The following CIZ1 variants were observed in gnomAD, a reference collection of about 807,000 sequenced individuals.
The protein encoded by CIZ1 is cip1-interacting zinc finger protein.
Under a neutral mutation model 118.6 loss-of-function variants are expected in CIZ1, and 58 were observed. The ratio of observed to expected loss-of-function variants is 0.49; its 90% CI spans 0.40 to 0.61. The LOEUF is 0.61. CIZ1 is among the 20% of genes least tolerant of loss of function. CIZ1 has a pLI of 0.00. For missense variants in CIZ1, 921 were observed against 1,115.9 expected, an observed-to-expected ratio of 0.83 and a Z score of 2.49; for synonymous variants, 448 against 443.4, an observed-to-expected ratio of 1.01 and a Z score of -0.13.
chr9:128,200,402 A>T (rs1386932448), intron 1 of CIZ1, among the ~76,000 whole-genome samples: 1 of 151,958 alleles, frequency 6.6e-6, no homozygotes, highest in Admixed American at 6.6e-5. Context: ...GCTCACAGCT[A>T]TAATCCCAGC....
intron 3 of CIZ1, among the ~76,000 whole-genome samples, 166 bp from the exon 4 acceptor site, chr9:128,188,100 C>CAAAAAAAAAA (rs1832660669): frequency 3.7e-5 from 1 of 26,846 alleles, no homozygotes; most frequent in Non-Finnish European, 9.4e-5. Context: ...TTAAAAAAAG[C>CAAAAAAAAAA]AAAAGAAAGA....
At chr9:128,186,230 C>G (rs1442314725) in intron 4 of CIZ1, among the ~76,000 whole-genome samples, 4 of 152,068 alleles carry the variant, frequency 2.6e-5, no homozygotes, top group Admixed American at 1.3e-4. Flanking sequence ...TGCCTCAGTC[C>G]CTCGGCCCAG....
At chr9:128,200,341 T>A (rs1312374638) in intron 1 of CIZ1, among the ~76,000 whole-genome samples, 4 of 151,874 alleles carry the variant, frequency 2.6e-5, no homozygotes, top group Non-Finnish European at 4.4e-5. Context: ...GTTTCAATAT[T>A]GTAATTAGGG....
chr9:128,187,769 A>C (rs1358532576), intron 4 of CIZ1, 94 bp downstream of exon 4: 2 of 376,800 alleles, frequency 5.3e-6, no homozygotes, highest in Admixed American at 4.4e-5. Context: ...CACTCTAAGA[A>C]ATGTAAAACA....
At chr9:128,192,913 G>T (rs1833256897), upstream of CIZ1, among the ~76,000 whole-genome samples, 1 of 152,218 alleles carries the variant, frequency 6.6e-6, no homozygotes, top group East Asian at 1.9e-4. Flanking sequence ...GCGACTCCTC[G>T]CCCTGCCTTC....
chr9:128,183,307 G>C lies in CIZ1; in HGVS notation c.588+2240C>G, dbSNP rs535731104. On this transcript the variant is annotated intron_variant, in intron 5 of 16. Transcript: ENST00000372938. ...GCTCTGGGTCCACCTAGACAGCTGT[G>C]GGGCGCAGGACCAACCGCACCCCAA... Among the ~76,000 whole-genome samples the C allele has an allele frequency of 4.6e-5, 7 of 152,314 alleles. No homozygotes were observed. The East Asian group carries it at 1.4e-3, about 29-fold the overall frequency.
chr9:128,174,783 C>T (rs992229684), intron 11 of CIZ1, among the ~76,000 whole-genome samples: 9 of 152,228 alleles, frequency 5.9e-5, no homozygotes, highest in African/African-American at 1.9e-4. Flanking sequence ...CTCAGCCTCC[C>T]GAGTAGCTGG....
intron 1 of CIZ1, 54 bp from the exon 2 acceptor site, chr9:128,190,916 C>T: frequency 6.7e-7 from 1 of 1,484,242 alleles, no homozygotes; most frequent in Non-Finnish European, 8.9e-7. Flanking sequence ...GTCAGGCCTG[C>T]TCCCCTCCCA....
In CIZ1 at chr9:128,203,716, C is replaced by A; in HGVS notation, c.-6+470G>T. The A allele has an allele frequency of 7.8e-7, 1 of 1,280,042 alleles. No individual in the cohort carries two copies. Among genetic ancestry groups the A allele is most frequent in the South Asian group, 1.9e-5 (1 of 52,024 alleles). 79.3% of individuals were successfully genotyped at this position (1,280,042 alleles called of 1,614,324 possible). On this transcript the variant is annotated intron_variant, in intron 1 of 17. Coordinates refer to the CIZ1 transcript ENST00000372948. This position sits in a 1 kb window ranked among gnomAD's most constrained non-coding sequence, Gnocchi z 5.3. ...CCCGGGGCACTGACGGCGCGGCGAC[C>A]TCGCAGCCCCCGACGCTGCACCCGC...
intron 14 of CIZ1, among the ~76,000 whole-genome samples, chr9:128,168,213 G>A (rs1420481559): frequency 1.3e-5 from 2 of 152,190 alleles, no homozygotes; most frequent in Non-Finnish European, 2.9e-5. Flanking sequence ...CTCTGGAAAC[G>A]TGTTAAACTG....
chr9:128,188,574 A>G (rs1378041546), intron 3 of CIZ1, among the ~76,000 whole-genome samples: 1 of 152,004 alleles, frequency 6.6e-6, no homozygotes, highest in African/African-American at 2.4e-5. Context: ...TGGCCTCCCA[A>G]AGAGTTGGGA....
rs1342724793 is a variant in CIZ1 at position 128,203,220 on chromosome 9, A to T, written c.-6+966T>A. ...CGCGCACCCCAGACACTGCTAAAGC[A>T]CCCCAAAAGCCGCAGAAGGTGAAAA... is the stretch of plus-strand genomic sequence containing the variant. On this transcript the variant is annotated intron_variant, in intron 1 of 17. Coordinates refer to the CIZ1 transcript ENST00000372948. The surrounding 1 kb of genome is among the most constrained non-coding windows in gnomAD (Gnocchi z 5.3). 3 of 179,718 alleles carry T rather than the reference A, an allele frequency of 1.7e-5. No homozygotes were observed. The highest frequency in any genetic ancestry group is 6.2e-5 in the Admixed American group (1 of 16,178). The allele number at this position is 179,718 out of a possible 1,614,324, so 11.1% of individuals were successfully genotyped here.
Position 128,179,126 on chromosome 9 carries a change from C to T in CIZ1, c.1081G>A (p.Val361Met), listed in dbSNP as rs372654384. 8.1e-6 allele frequency: 13 copies of T among 1,613,992 alleles called. No individual in the cohort carries two copies. In the African/African-American group the frequency reaches 1.6e-4, roughly 20 times the overall value. Reference sequence around the variant, plus strand: ...GCCTCCTGCTGCAGCTGTGGCTGCACCTGCTTCTGTTGCAGCACTAAGTGC... The same window carrying T: ...GCCTCCTGCTGCAGCTGTGGCTGCATCTGCTTCTGTTGCAGCACTAAGTGC... The part of the protein sequence containing the change: ...PEHLVLQQKQ[V>M]QPQLQQEAEP... Residue 361 changes from valine to methionine, a missense_variant, in exon 8 of 17, where the codon GTG (valine) becomes ATG (methionine). By Grantham distance (21) the Val-to-Met change is conservative. Transcript: ENST00000372938.
intron 14 of CIZ1, 85 bp from the exon 15 acceptor site, chr9:128,167,249 G>T: frequency 1.0e-6 from 1 of 979,322 alleles, no homozygotes; most frequent in Non-Finnish European, 1.5e-6. Context: ...GACCACCAAT[G>T]CCCTTGGACA....
Position 128,166,114 on chromosome 9 carries a change from C to G in CIZ1, c.*83G>C. On this transcript the variant is annotated 3_prime_UTR_variant, in exon 17 of 17. Coordinates refer to ENST00000372938, the MANE Select transcript of CIZ1 (RefSeq NM_001131016.2). The surrounding 1 kb of genome is among the most constrained non-coding windows in gnomAD (Gnocchi z 4.4). ...ATTGGATTTTGAGTAAAAACATGAACCATGTCAAAGTTTCCAGGCAGACTC... is the reference window on the plus strand; with the variant it reads ...ATTGGATTTTGAGTAAAAACATGAAGCATGTCAAAGTTTCCAGGCAGACTC... 1.0e-6 allele frequency: 1 copy of G among 976,284 alleles called. No homozygotes were observed. Among genetic ancestry groups the G allele is most frequent in the Non-Finnish European group, 1.4e-6 (1 of 692,876 alleles). The allele number at this position is 976,284 out of a possible 1,614,324, so 60.5% of individuals were successfully genotyped here. A position where few individuals can be genotyped will look rare whatever the true frequency, so the allele number is the denominator to read the frequency against.
In CIZ1 at chr9:128,178,897, G is replaced by A. The variant is rs1265506406; in HGVS notation, c.1310C>T (p.Thr437Ile). 3 of 1,614,232 alleles carry A rather than the reference G, an allele frequency of 1.9e-6. No homozygotes were observed. Among genetic ancestry groups the A allele is most frequent in the African/African-American group, 2.7e-5 (2 of 75,056 alleles). The part of the protein sequence containing the change: ...VQTQTYPQVH[T>I]QAQPSVQPQE... ...TGGCTGGACGCTTGGCTGTGCCTGT[G>A]TGTGGACCTGTGGATATGTCTGTGT... Residue 437 changes from threonine to isoleucine, a missense_variant, in exon 8 of 17, where the codon ACA becomes ATA. Transcript: ENST00000372938.
rs1172644774 is a variant in CIZ1 at position 128,166,239 on chromosome 9, G to A, written c.2655C>T (p.Ser885=). ...TTGAGCGCCGAGGTAGTGGGGGCTGGGAGGGTCGAGCCGTCACCTTGCTGG... is the reference window on the plus strand; with the variant it reads ...TTGAGCGCCGAGGTAGTGGGGGCTGAGAGGGTCGAGCCGTCACCTTGCTGG... The part of the protein sequence containing the change: ...KTPSKVTARP[S]QPPLPRRSTR... The change falls in exon 17 of 17, where the codon TCC becomes TCT. Residue 885 remains serine, a synonymous_variant. Transcript: ENST00000372938. The surrounding 1 kb of genome is among the most constrained non-coding windows in gnomAD (Gnocchi z 4.4). The A allele has an allele frequency of 6.6e-7, 1 of 1,524,814 alleles. No homozygotes were observed. The highest frequency in any genetic ancestry group is 1.4e-5 in the African/African-American group (1 of 73,446). The allele number at this position is 1,524,814 out of a possible 1,614,324, so 94.5% of individuals were successfully genotyped here. A position where few individuals can be genotyped will look rare whatever the true frequency, so the allele number is the denominator to read the frequency against.
chr9:128,185,819 G>C (rs765863234), intron 4 of CIZ1, 43 bp from the exon 5 acceptor site: 4 of 1,429,988 alleles, frequency 2.8e-6, no homozygotes, highest in Admixed American at 3.6e-5. Context: ...CAATGTGGTC[G>C]GGTGGCAGAA....
At chr9:128,185,312 G>T (rs1243641543) in intron 5 of CIZ1, among the ~76,000 whole-genome samples, 6 of 152,150 alleles carry the variant, frequency 3.9e-5, no homozygotes, top group African/African-American at 1.4e-4. Flanking sequence ...TTAAGTAAAT[G>T]ATAGTACTGG....
Sources: gnomAD v4.1 joint callset for allele counts (sites outside exome capture counted in the v4.1 genomes callset) on GRCh38, gnomAD v4.1.1 for gene constraint, Gnocchi (gnomAD v3.1) non-coding constraint, MANE v1.5 for transcripts, NCBI Gene and HGNC (gene_info 2026-07-23, HGNC 2026-07-21) for gene names.